Variants in SLC36A1 observed in about 807,000 individuals in gnomAD.
The protein encoded by SLC36A1 is solute carrier family 36 member 1.
Under a neutral mutation model 47.5 loss-of-function variants are expected in SLC36A1, and 30 were observed. That is an observed-to-expected ratio of 0.63 (90% confidence interval 0.47 to 0.86). The LOEUF (loss-of-function observed/expected upper bound fraction) is 0.86. Ranked by LOEUF, SLC36A1 falls within the 40% of genes least tolerant of loss-of-function variation. SLC36A1 has a pLI of 0.00. For synonymous variants in SLC36A1, 255 were observed against 249.7 expected, an observed-to-expected ratio of 1.02 and a Z score of -0.20; for missense variants, 517 against 606.0, an observed-to-expected ratio of 0.85 and a Z score of 1.54.
At chr5:151,459,622 G>C (rs1755210304) in intron 2 of SLC36A1, among the ~76,000 whole-genome samples, 1 of 152,214 alleles carries the variant, frequency 6.6e-6, no homozygotes, top group South Asian at 2.1e-4. Context: ...TAGTTTCCCA[G>C]CTACTCCTGA....
chr5:151,374,248 T>A, the SLC36A1 span, among the ~76,000 whole-genome samples: 9 of 152,128 alleles, frequency 5.9e-5, no homozygotes, highest in Non-Finnish European at 1.0e-4. Flanking sequence ...CACTTCCTGT[T>A]TACAGAGGAC....
the SLC36A1 span, chr5:151,550,888 G>C: frequency 1.9e-6 from 3 of 1,609,566 alleles, no homozygotes; most frequent in Non-Finnish European, 2.5e-6. Context: ...AGGGAGATGA[G>C]GGAGAAGGTG....
chr5:151,496,039 T>C (rs1184591137), downstream of SLC36A1, among the ~76,000 whole-genome samples: 1 of 152,224 alleles, frequency 6.6e-6, no homozygotes, highest in Non-Finnish European at 1.5e-5. Context: ...GGAGCACAAT[T>C]GCTGAATTGT....
Position 151,488,197 on chromosome 5 carries a change from G to A in SLC36A1, c.1374G>A (p.Glu458=), listed in dbSNP as rs758936668. The change falls in exon 11 of 11, where the codon GAG becomes GAA. Residue 458 remains glutamate (E), a synonymous_variant. Coordinates refer to ENST00000243389, the MANE Select transcript of SLC36A1 (RefSeq NM_078483.4). ...FVVGTYEALY[E]LIQPSNAPIF... is the part of the protein sequence containing the mutation. ...TGGGGACCTATGAGGCTCTCTATGA[G>A]CTGATCCAGCCAAGCAATGCTCCCA... is the stretch of plus-strand genomic sequence containing the variant. 12 of 1,614,160 alleles carry A rather than the reference G, an allele frequency of 7.4e-6. No individual in the cohort carries two copies. In the South Asian group the frequency reaches 1.2e-4, roughly 16 times the overall value.
At chr5:151,543,068 A>G in the SLC36A1 span, 1 of 1,614,146 alleles carries the variant, frequency 6.2e-7, no homozygotes, top group Admixed American at 1.7e-5. Flanking sequence ...TTCGGTAAGG[A>G]TACTTTTTTA....
At chr5:151,515,227 T>A in the SLC36A1 span, among the ~76,000 whole-genome samples, 1 of 152,144 alleles carries the variant, frequency 6.6e-6, no homozygotes, top group Non-Finnish European at 1.5e-5. Context: ...CATACAATAC[T>A]CCCTGGGTTT....
At chr5:151,433,251 TA>T (rs1561704949), upstream of SLC36A1, among the ~76,000 whole-genome samples, 184 of 18,392 alleles carry the variant, frequency 0.01, 9 homozygotes, top group African/African-American at 0.038. Flanking sequence ...TATATATATA[TA>T]TATATATATA....
At chr5:151,368,259 G>C in the SLC36A1 span, among the ~76,000 whole-genome samples, 1 of 152,176 alleles carries the variant, frequency 6.6e-6, no homozygotes, top group Non-Finnish European at 1.5e-5. Context: ...ATCATAAACT[G>C]TGCTAAAACC....
chr5:151,549,668 T>C, the SLC36A1 span, among the ~76,000 whole-genome samples: 1 of 152,240 alleles, frequency 6.6e-6, no homozygotes. Flanking sequence ...CTCTTTTTCT[T>C]CATTTATGTA....
chr5:151,444,115 G>A (rs1343181083), upstream of SLC36A1, among the ~76,000 whole-genome samples: 2 of 152,126 alleles, frequency 1.3e-5, no homozygotes, highest in Non-Finnish European at 2.9e-5. Context: ...CATCCAGTTT[G>A]TTTTTCTTTT....
the SLC36A1 span, among the ~76,000 whole-genome samples, chr5:151,400,786 T>G: frequency 1.3e-5 from 2 of 152,182 alleles, no homozygotes; most frequent in African/African-American, 2.4e-5. Flanking sequence ...ATGTTGAGCA[T>G]TTTTTCATGT....
chr5:151,506,130 T>TC, the SLC36A1 span: 4 of 1,483,012 alleles, frequency 2.7e-6, no homozygotes, highest in South Asian at 2.8e-5. Context: ...GGTGAGCTCA[T>TC]TTTCTCCCCG....
the SLC36A1 span, among the ~76,000 whole-genome samples, chr5:151,381,684 C>T: frequency 6.6e-6 from 1 of 152,188 alleles, no homozygotes; most frequent in South Asian, 2.1e-4. Flanking sequence ...GATAAACTGG[C>T]TTGTCTGATC....
At chr5:151,446,343 C>T (rs568196179), upstream of SLC36A1, among the ~76,000 whole-genome samples, 1 of 152,222 alleles carries the variant, frequency 6.6e-6, no homozygotes, top group South Asian at 2.1e-4. Flanking sequence ...ACCAGCCTGA[C>T]CAACATGGTG....
chr5:151,487,414 G>A (rs185401381), intron 10 of SLC36A1, among the ~76,000 whole-genome samples: 10 of 152,356 alleles, frequency 6.6e-5, no homozygotes, highest in Admixed American at 6.5e-5. Context: ...TACGGTCGTC[G>A]TGTGGGGCTT....
chr5:151,530,710 A>C, the SLC36A1 span, among the ~76,000 whole-genome samples: 1 of 152,202 alleles, frequency 6.6e-6, no homozygotes, highest in African/African-American at 2.4e-5. Context: ...TTTGTTTAGA[A>C]AAGGAGTTCT....
intron 10 of SLC36A1, among the ~76,000 whole-genome samples, chr5:151,486,410 T>C (rs1487188590): frequency 2.0e-5 from 3 of 152,234 alleles, no homozygotes; most frequent in Non-Finnish European, 2.9e-5. Context: ...TCCACATGTC[T>C]CTCATCTTAC....
downstream of SLC36A1, among the ~76,000 whole-genome samples, chr5:151,496,720 T>C (rs1760354307): frequency 6.6e-6 from 1 of 152,210 alleles, no homozygotes; most frequent in African/African-American, 2.4e-5. Context: ...CACGCCTAGC[T>C]GATTTTTGTA....
chr5:151,468,285 A>G (rs1462189089), intron 7 of SLC36A1, among the ~76,000 whole-genome samples: 1 of 102,202 alleles, frequency 9.8e-6, no homozygotes, highest in Non-Finnish European at 2.0e-5. Flanking sequence ...ATATATATAT[A>G]TATATATATT....
Sources: gnomAD v4.1 joint callset for allele counts (sites outside exome capture counted in the v4.1 genomes callset) on GRCh38, gnomAD v4.1.1 for gene constraint, MANE v1.5 for transcripts, NCBI Gene and HGNC (gene_info 2026-07-23, HGNC 2026-07-21) for gene names.